The following PALM2AKAP2 variants were observed in gnomAD, a reference collection of about 807,000 sequenced individuals.
The protein encoded by PALM2AKAP2 is PALM2 and AKAP2 fusion.
In PALM2AKAP2, 37 loss-of-function variants were observed where a neutral mutation model predicts 71.5. The ratio of observed to expected loss-of-function variants is 0.52; its 90% CI spans 0.40 to 0.68. The LOEUF (loss-of-function observed/expected upper bound fraction) is 0.68. PALM2AKAP2 is among the 30% of genes least tolerant of loss of function. The probability of loss-of-function intolerance (pLI) is 0.00; values close to 1 mark genes in which losing one functional copy is unlikely to be tolerated. For synonymous variants in PALM2AKAP2, 468 were observed against 478.8 expected (o/e 0.98, Z 0.29); for missense variants, 1,224 against 1,191.8 (o/e 1.03, Z -0.40).
At chr9:109,948,274 C>T (rs1831557880) in intron 6 of PALM2AKAP2, among the ~76,000 whole-genome samples, 1 of 152,130 alleles carries the variant, frequency 6.6e-6, no homozygotes, top group East Asian at 1.9e-4. Context: ...AGAATAAAGA[C>T]TACAAAGGGG....
At chr9:110,037,921 T>C (rs1833442010) in intron 7 of PALM2AKAP2, among the ~76,000 whole-genome samples, 1 of 152,130 alleles carries the variant, frequency 6.6e-6, no homozygotes, top group Admixed American at 6.5e-5. Context: ...GCACAGCCAT[T>C]GACTGGATGA....
At chr9:109,874,649 G>A (rs758091448) in intron 2 of PALM2AKAP2, among the ~76,000 whole-genome samples, 9 of 152,284 alleles carry the variant, frequency 5.9e-5, no homozygotes, top group African/African-American at 1.9e-4. Context: ...TGACATGTCC[G>A]CTTAGATGGA....
chr9:109,784,609 T>C (rs1247788218), intron 1 of PALM2AKAP2, among the ~76,000 whole-genome samples: 1 of 152,266 alleles, frequency 6.6e-6, no homozygotes, highest in African/African-American at 2.4e-5. Context: ...TGAATCCTAA[T>C]AAGAAGCTTA....
At chr9:109,828,906 T>A (rs1303745833) in intron 1 of PALM2AKAP2, among the ~76,000 whole-genome samples, 1 of 152,216 alleles carries the variant, frequency 6.6e-6, no homozygotes, top group South Asian at 2.1e-4. Flanking sequence ...AGAAAATGGA[T>A]CTTGAAAGGG....
At chr9:109,881,876 C>CTTTTTTTTTTTT (rs565835467) in intron 3 of PALM2AKAP2, among the ~76,000 whole-genome samples, 4 of 95,110 alleles carry the variant, frequency 4.2e-5, no homozygotes, top group South Asian at 3.7e-4. Flanking sequence ...CTTATGAGCT[C>CTTTTTTTTTTTT]TTTTTTTTTT....
At chr9:109,706,200 G>A (rs1283052762) in intron 1 of PALM2AKAP2, among the ~76,000 whole-genome samples, 2 of 152,176 alleles carry the variant, frequency 1.3e-5, no homozygotes, top group African/African-American at 4.8e-5. Flanking sequence ...AGGCTGTATT[G>A]CAGTTTTTTA....
At chr9:109,979,732 G>T (rs950969845) in intron 6 of PALM2AKAP2, among the ~76,000 whole-genome samples, 4 of 152,168 alleles carry the variant, frequency 2.6e-5, no homozygotes, top group African/African-American at 7.2e-5. Context: ...GATGAGTAGG[G>T]ACAATATTGT....
intron 5 of PALM2AKAP2, among the ~76,000 whole-genome samples, chr9:109,925,518 C>T (rs921560424): frequency 1.3e-5 from 2 of 152,150 alleles, no homozygotes; most frequent in Non-Finnish European, 2.9e-5. Flanking sequence ...AACCTTTCTA[C>T]AGCCTCTGGA....
intron 1 of PALM2AKAP2, among the ~76,000 whole-genome samples, chr9:110,100,262 C>A (rs866964689): frequency 4.5e-4 from 68 of 151,910 alleles, no homozygotes; most frequent in African/African-American, 1.5e-3. Context: ...TGCCTTGCTG[C>A]CGTCCTGGAA....
intron 1 of PALM2AKAP2, among the ~76,000 whole-genome samples, chr9:109,698,827 A>G (rs1194202939): frequency 2.6e-5 from 4 of 152,220 alleles, no homozygotes; most frequent in Admixed American, 2.6e-4. Flanking sequence ...GGAAAGGACA[A>G]GCCATAGTGA....
chr9:109,831,604 C>G (rs1828302885), intron 1 of PALM2AKAP2, among the ~76,000 whole-genome samples: 1 of 152,114 alleles, frequency 6.6e-6, no homozygotes, highest in Non-Finnish European at 1.5e-5. Context: ...CCTTTCTGGA[C>G]CATGCCCAAA....
upstream of PALM2AKAP2, among the ~76,000 whole-genome samples, chr9:110,048,262 T>C (rs979258660): frequency 1.3e-5 from 2 of 152,064 alleles, no homozygotes; most frequent in African/African-American, 2.4e-5. Flanking sequence ...CTCCTGGCAT[T>C]TGAGCGCACA....
chr9:109,925,000 A>G, intron 4 of PALM2AKAP2, 61 bp from the exon 5 acceptor site: 4 of 1,611,620 alleles, frequency 2.5e-6, no homozygotes, highest in Non-Finnish European at 3.4e-6. Flanking sequence ...TAAAGATGGG[A>G]AAAGATGGGA....
At chr9:109,862,098 A>T (rs1050970875) in intron 1 of PALM2AKAP2, among the ~76,000 whole-genome samples, 5 of 152,196 alleles carry the variant, frequency 3.3e-5, no homozygotes, top group African/African-American at 1.2e-4. Context: ...AAGTGTATAA[A>T]GTGCTACAGT....
intron 3 of PALM2AKAP2, among the ~76,000 whole-genome samples, chr9:109,888,998 G>A (rs1254545481): frequency 6.6e-6 from 1 of 152,182 alleles, no homozygotes; most frequent in African/African-American, 2.4e-5. Context: ...GAGAACTACT[G>A]CTCAAAAGCC....
intron 6 of PALM2AKAP2, among the ~76,000 whole-genome samples, chr9:109,985,335 C>G (rs1832352489): frequency 6.6e-6 from 1 of 152,032 alleles, no homozygotes; most frequent in South Asian, 2.1e-4. Flanking sequence ...GTGAAATATG[C>G]TTAATTGTCT....
At chr9:110,019,267 T>TA (rs2132357187) in intron 7 of PALM2AKAP2, among the ~76,000 whole-genome samples, 1 of 143,182 alleles carries the variant, frequency 7.0e-6, no homozygotes, top group East Asian at 2.0e-4. Context: ...AAAAGAGAGA[T>TA]ACCATCTCAC....
chr9:109,711,956 C>A (rs986776961), intron 1 of PALM2AKAP2, among the ~76,000 whole-genome samples: 8 of 151,886 alleles, frequency 5.3e-5, no homozygotes, highest in African/African-American at 1.7e-4. Context: ...ACTTCCTGAG[C>A]TATCCTTGTG....
intron 1 of PALM2AKAP2, among the ~76,000 whole-genome samples, chr9:109,672,422 T>G (rs1025698309): frequency 5.3e-5 from 8 of 152,354 alleles, no homozygotes; most frequent in African/African-American, 1.7e-4. Flanking sequence ...TTGCATATGT[T>G]GAACCAACCT....
Sources: gnomAD v4.1 joint callset for allele counts (sites outside exome capture counted in the v4.1 genomes callset) on GRCh38, gnomAD v4.1.1 for gene constraint, MANE v1.5 for transcripts, NCBI Gene and HGNC (gene_info 2026-07-23, HGNC 2026-07-21) for gene names.